Variants in NDFIP1 observed in about 807,000 individuals in gnomAD.
The protein encoded by NDFIP1 is Nedd4 family interacting protein 1.
NDFIP1 carries 7 observed loss-of-function variants against 28.8 expected under a neutral mutation model. The observed-to-expected ratio is 0.24, with a 90% CI of 0.14 to 0.46. The LOEUF (loss-of-function observed/expected upper bound fraction) is 0.46, where lower values mean the gene tolerates loss of function less well. Ranked by LOEUF, NDFIP1 falls within the 20% of genes least tolerant of loss-of-function variation. NDFIP1 has a pLI of 0.99. For missense variants in NDFIP1, 194 were observed against 269.1 expected, an observed-to-expected ratio of 0.72 and a Z score of 1.95; for synonymous variants, 92 against 101.0, an observed-to-expected ratio of 0.91 and a Z score of 0.53.
intron 5 of NDFIP1, among the ~76,000 whole-genome samples, chr5:142,139,158 TAC>T (rs1299861816): frequency 6.6e-6 from 1 of 150,632 alleles, no homozygotes; most frequent in East Asian, 2.0e-4. Context: ...AGGTGGAGCT[TAC>T]AGTGAGCCGA....
chr5:142,132,021 A>G lies in NDFIP1; in HGVS notation c.151+126A>G, dbSNP rs551567955. 2.3e-4 allele frequency: 249 copies of G among 1,105,230 alleles called. 2 individuals are homozygous for G. The African/African-American group carries it at 3.5e-3, about 16-fold the overall frequency. 68.5% of individuals were successfully genotyped at this position (1,105,230 alleles called of 1,614,324 possible). A position where few individuals can be genotyped will look rare whatever the true frequency, so the allele number is the denominator to read the frequency against. On this transcript the variant is annotated intron_variant, in intron 2 of 7. Coordinates refer to ENST00000253814, the MANE Select transcript of NDFIP1 (RefSeq NM_030571.4). The stretch of plus-strand genomic sequence containing the variant: ...GGTTACAAAGCAAGTCTGGATTTTA[A>G]ATAATTGAGAAGTGGATACATTTAA...
chr5:142,131,598 A>G (rs1316067830), intron 1 of NDFIP1, among the ~76,000 whole-genome samples: 1 of 152,192 alleles, frequency 6.6e-6, no homozygotes, highest in Non-Finnish European at 1.5e-5. Context: ...TGCTGACACA[A>G]CACTTATATG....
rs144352061 is a variant in NDFIP1, at chr5:142,152,869, C to A, written c.*1141C>A. 4 of 175,088 alleles carry A rather than the reference C, an allele frequency of 2.3e-5. No individual in the cohort carries two copies. In the South Asian group the frequency reaches 5.3e-4, roughly 23 times the overall value. 10.8% of individuals were successfully genotyped at this position (175,088 alleles called of 1,614,324 possible). The stretch of plus-strand genomic sequence containing the variant: ...ATCTTAGGGAATCATTCAGTAGATG[C>A]GATTAAAAAACTAATGTTGGGTCAA... On this transcript the variant is annotated 3_prime_UTR_variant, in exon 8 of 8. Coordinates refer to ENST00000253814, the MANE Select transcript of NDFIP1 (RefSeq NM_030571.4).
chr5:142,130,046 G>A lies in NDFIP1; in HGVS notation c.64-1762G>A, dbSNP rs114731561. On this transcript the variant is annotated intron_variant, in intron 1 of 7. Coordinates refer to ENST00000253814, the MANE Select transcript of NDFIP1 (RefSeq NM_030571.4). ...TTCTTTGTAGCGGTATGGTTTAGAG[G>A]TGGTATGTATTTTACAAGTATGTCA... Among the ~76,000 whole-genome samples, 311 of 152,200 alleles carry A rather than the reference G, an allele frequency of 2.0e-3. 2 individuals carry two copies. The highest frequency in any genetic ancestry group is 7.2e-3 in the African/African-American group (299 of 41,528).
chr5:142,121,431 C>T (rs1277754081), intron 1 of NDFIP1, among the ~76,000 whole-genome samples: 1 of 152,176 alleles, frequency 6.6e-6, no homozygotes, highest in East Asian at 1.9e-4. Flanking sequence ...GAAAGGAATA[C>T]ATAGTATAGA....
chr5:142,132,182 C>T (rs1360471151), intron 2 of NDFIP1, 30 bp from the exon 3 acceptor site: 2 of 1,602,618 alleles, frequency 1.2e-6, no homozygotes, highest in Admixed American at 3.5e-5. Context: ...AGCTAATCAT[C>T]AAAAAATTGT....
intron 5 of NDFIP1, 98 bp from the exon 6 acceptor site, chr5:142,140,465 A>AG (rs1561603800): frequency 4.1e-6 from 4 of 965,308 alleles, no homozygotes; most frequent in East Asian, 2.6e-5. Context: ...AAAAAAAAAA[A>AG]GAATAAGTCT....
chr5:142,109,154 C>T (rs928431909), intron 1 of NDFIP1, 117 bp downstream of exon 1: 2 of 956,812 alleles, frequency 2.1e-6, no homozygotes, highest in Non-Finnish European at 2.7e-6. Flanking sequence ...CTTGGCAGGC[C>T]GCGCTGGGCC....
At chr5:142,109,264 C>T (rs886596069) in intron 1 of NDFIP1, among the ~76,000 whole-genome samples, 2 of 152,192 alleles carry the variant, frequency 1.3e-5, no homozygotes, top group East Asian at 3.9e-4. Flanking sequence ...GGAAAGTCCT[C>T]CTCCCGGCCT....
At chr5:142,144,756 A>G (rs1757371210) in intron 7 of NDFIP1, 80 bp downstream of exon 7, 3 of 900,868 alleles carry the variant, frequency 3.3e-6, no homozygotes, top group East Asian at 5.0e-5. Context: ...TAGAGTAAGT[A>G]TCTGTGATAG....
chr5:142,151,545 A>G (rs1259944832), intron 7 of NDFIP1, among the ~76,000 whole-genome samples, 186 bp from the exon 8 acceptor site: 1 of 152,240 alleles, frequency 6.6e-6, no homozygotes, highest in African/African-American at 2.4e-5. Flanking sequence ...AGAGGCCTTG[A>G]TAACTTTAAG....
At chr5:142,150,000 T>C (rs1435234794) in intron 7 of NDFIP1, among the ~76,000 whole-genome samples, 1 of 151,964 alleles carries the variant, frequency 6.6e-6, no homozygotes, top group Non-Finnish European at 1.5e-5. Context: ...GCTAACACAG[T>C]GAAACCCCGT....
At chr5:142,109,413 T>C (rs572221563) in intron 1 of NDFIP1, among the ~76,000 whole-genome samples, 9 of 152,318 alleles carry the variant, frequency 5.9e-5, no homozygotes, top group African/African-American at 1.9e-4. Context: ...GAAAAAAGCA[T>C]GAAACGGAAA....
In NDFIP1 at chr5:142,138,505, A is replaced by G. The variant is rs559353494; in HGVS notation, c.495+647A>G. Reference sequence around the variant, plus strand: ...TCAGATAAATTTATTGCTATCGTCAACCTTATAAACAAAACCAATTTATCC... The same window carrying G: ...TCAGATAAATTTATTGCTATCGTCAGCCTTATAAACAAAACCAATTTATCC... On this transcript the variant is annotated intron_variant, in intron 5 of 7. Coordinates refer to ENST00000253814, the MANE Select transcript of NDFIP1 (RefSeq NM_030571.4). 1.0e-3 allele frequency among the ~76,000 whole-genome samples: 157 copies of G among 152,332 alleles called. 1 individual carries two copies. The highest frequency in any genetic ancestry group is 3.4e-3 in the Middle Eastern group (1 of 294).
At chr5:142,128,219 G>A (rs1480373838) in intron 1 of NDFIP1, among the ~76,000 whole-genome samples, 1 of 152,044 alleles carries the variant, frequency 6.6e-6, no homozygotes, top group Non-Finnish European at 1.5e-5. Context: ...CCCAGTTGAT[G>A]GAAGAGACTG....
At chr5:142,138,200 G>A (rs553112327) in intron 5 of NDFIP1, 1 of 161,778 alleles carries the variant, frequency 6.2e-6, no homozygotes, top group African/African-American at 2.4e-5. Context: ...CTCATCAAAA[G>A]CAGCCATTCC....
chr5:142,127,341 G>GT (rs1330927238), intron 1 of NDFIP1, among the ~76,000 whole-genome samples: 5 of 152,226 alleles, frequency 3.3e-5, no homozygotes, highest in African/African-American at 9.6e-5. Flanking sequence ...GTAAATAAAT[G>GT]TTTTCTTAAA....
In NDFIP1 at chr5:142,137,006, G is replaced by T. The variant is rs192852529; in HGVS notation, c.371-728G>T. Among the ~76,000 whole-genome samples, 820 of 143,386 alleles carry T rather than the reference G, an allele frequency of 5.7e-3. 6 individuals carry two copies. Among genetic ancestry groups the T allele is most frequent in the Middle Eastern group, 0.018 (5 of 278 alleles). 94.1% of individuals were successfully genotyped at this position (143,386 alleles called of 152,430 possible). A position where few individuals can be genotyped will look rare whatever the true frequency, so the allele number is the denominator to read the frequency against. ...GAATCACTTGAACCTGGGAGGCAGA[G>T]ATTGCAGTGAGCCAAGGTCGTGCTA... On this transcript the variant is annotated intron_variant, in intron 4 of 7. Transcript: ENST00000253814.
At chr5:142,145,543 A>G (rs1411411800) in intron 7 of NDFIP1, among the ~76,000 whole-genome samples, 2 of 152,148 alleles carry the variant, frequency 1.3e-5, no homozygotes, top group Non-Finnish European at 2.9e-5. Flanking sequence ...GGTCTTAGGC[A>G]AAGCATTATA....
Sources: allele counts gnomAD v4.1 joint callset (sites outside exome capture counted in the v4.1 genomes callset), GRCh38; gene constraint gnomAD v4.1.1; transcripts MANE v1.5; gene names NCBI Gene and HGNC (gene_info 2026-07-23, HGNC 2026-07-21).